The following FBXO16 variants were observed in gnomAD, a reference collection of about 807,000 sequenced individuals.
The protein encoded by FBXO16 is F-box protein 16.
Under a neutral mutation model 41.0 loss-of-function variants are expected in FBXO16, and 31 were observed. The ratio of observed to expected loss-of-function variants is 0.76; its 90% confidence interval spans 0.57 to 1.02. FBXO16 has a LOEUF of 1.02. Among genes scored for constraint, FBXO16 ranks in the 50% least tolerant of loss-of-function variants. The pLI is 0.00. For missense variants in FBXO16, 361 were observed against 346.2 expected, an observed-to-expected ratio of 1.04 and a Z score of -0.34; for synonymous variants, 133 against 117.8, an observed-to-expected ratio of 1.13 and a Z score of -0.84.
Position 28,428,560 on chromosome 8 carries a change from T to C in FBXO16, c.*167A>G. ...TTTCTATAATAAAAGTCTTTCCATG[T>C]TCAGTCCACTTTGGCTCTGGAACCT... On this transcript the variant is annotated 3_prime_UTR_variant, in exon 9 of 9. Coordinates refer to ENST00000380254, the MANE Select transcript of FBXO16 (RefSeq NM_172366.4). The C allele has an allele frequency of 6.5e-7, 1 of 1,549,278 alleles. No homozygotes were observed. The highest frequency in any genetic ancestry group is 1.2e-5 in the South Asian group (1 of 83,976).
In FBXO16 at chr8:28,456,805, A is replaced by G. The variant is rs1261102577; in HGVS notation, c.468T>C (p.Tyr156=). The change falls in exon 5 of 9, where the codon TAT becomes TAC. Residue 156 remains tyrosine (Y), a synonymous_variant. Coordinates refer to ENST00000380254, the MANE Select transcript of FBXO16 (RefSeq NM_172366.4). ...TATGAAGTTCTTTCACCATTTGAAT[A>G]TAGTGCTTCTTCCAGATCCCCTGCT... is the stretch of plus-strand genomic sequence containing the variant. ...PFEQGIWKKH[Y]IQMVKELHIT... 3 of 1,614,054 alleles carry G rather than the reference A, an allele frequency of 1.9e-6. No individual in the cohort carries two copies. Among genetic ancestry groups the G allele is most frequent in the Admixed American group, 1.7e-5 (1 of 60,010 alleles).
intron 3 of FBXO16, among the ~76,000 whole-genome samples, chr8:28,465,628 A>T (rs375769102): frequency 4.8e-4 from 73 of 152,118 alleles, no homozygotes; most frequent in Middle Eastern, 6.8e-3. Context: ...AAATAAAAAA[A>T]AAATAAAAAA....
At chr8:28,483,589 T>A in intron 1 of FBXO16, 127 bp from the exon 2 acceptor site, 1 of 636,730 alleles carries the variant, frequency 1.6e-6, no homozygotes, top group Non-Finnish European at 2.7e-6. Context: ...GAGGCTGAGG[T>A]GGGCGGATCA....
At chr8:28,483,137 T>C (rs1158952117) in intron 2 of FBXO16, among the ~76,000 whole-genome samples, 1 of 152,024 alleles carries the variant, frequency 6.6e-6, no homozygotes, top group African/African-American at 2.4e-5. Flanking sequence ...ATCCAAGACA[T>C]TTTTTTCTTG....
At chr8:28,478,409 C>T (rs749775408) in intron 2 of FBXO16, among the ~76,000 whole-genome samples, 31 of 152,104 alleles carry the variant, frequency 2.0e-4, no homozygotes, top group Non-Finnish European at 4.3e-4. Context: ...CAGCTAGCAG[C>T]CACTGAATGT....
chr8:28,456,911 T>G lies in FBXO16; in HGVS notation c.362A>C (p.Asn121Thr), dbSNP rs1362803044. The G allele has an allele frequency of 1.9e-6, 3 of 1,613,438 alleles. No individual in the cohort carries two copies. Among genetic ancestry groups the G allele is most frequent in the East Asian group, 4.5e-5 (2 of 44,866 alleles). ...CCAGAGCTGGTCCAGCTCAGCAAGG[T>G]TCTTCCAATGCCAGCACACCTGGAA... ...RCAQVCWHWK[N>T]LAELDQLWML... Residue 121 changes from asparagine to threonine, a missense_variant, in exon 5 of 9, where the codon AAC (asparagine) becomes ACC (threonine). By Grantham distance (65) the Asn-to-Thr change is moderately conservative. Coordinates refer to ENST00000380254, the MANE Select transcript of FBXO16 (RefSeq NM_172366.4).
rs78786048 is a variant in FBXO16, at chr8:28,458,271, T to C, written c.343-1341A>G. On this transcript the variant is annotated intron_variant, in intron 4 of 8. Transcript: ENST00000380254. Reference sequence around the variant, plus strand: ...CTATGTTTGTTTTATGTGCAGAAGATGAGATGTTGAGGAAAGAGTAGGGCA... The same window carrying C: ...CTATGTTTGTTTTATGTGCAGAAGACGAGATGTTGAGGAAAGAGTAGGGCA... Among the ~76,000 whole-genome samples, 1,395 of 152,274 alleles carry C rather than the reference T, an allele frequency of 9.2e-3. 26 individuals carry two copies. The highest frequency in any genetic ancestry group is 0.031 in the African/African-American group (1,305 of 41,556).
At chr8:28,433,154 A>T (rs1802636652) in intron 7 of FBXO16, among the ~76,000 whole-genome samples, 1 of 152,170 alleles carries the variant, frequency 6.6e-6, no homozygotes, top group Non-Finnish European at 1.5e-5. Flanking sequence ...CCCTATGAAG[A>T]GGGATGGGAT....
At chr8:28,489,670 A>G (rs1803658914) in intron 1 of FBXO16, among the ~76,000 whole-genome samples, 1 of 151,860 alleles carries the variant, frequency 6.6e-6, no homozygotes, top group Admixed American at 6.6e-5. Flanking sequence ...ACTGCAGTTC[A>G]GCCTGGGCAA....
intron 7 of FBXO16, chr8:28,446,901 T>C: frequency 3.9e-6 from 1 of 258,488 alleles, no homozygotes; most frequent in East Asian, 8.1e-5. Context: ...ACTCCCCTTA[T>C]ATCATACAGT....
intron 7 of FBXO16, among the ~76,000 whole-genome samples, chr8:28,445,147 T>G (rs1342950503): frequency 6.6e-6 from 1 of 152,022 alleles, no homozygotes; most frequent in African/African-American, 2.4e-5. Context: ...CTACGAAACA[T>G]AAATAGTGAT....
At chr8:28,473,187 T>C (rs531944747) in intron 3 of FBXO16, among the ~76,000 whole-genome samples, 2 of 152,314 alleles carry the variant, frequency 1.3e-5, no homozygotes, top group South Asian at 4.1e-4. Context: ...TCCTTTTCAT[T>C]GAATTATGTC....
chr8:28,452,742 A>C (rs1467045665), intron 5 of FBXO16, among the ~76,000 whole-genome samples: 4 of 152,020 alleles, frequency 2.6e-5, no homozygotes, highest in African/African-American at 9.7e-5. Flanking sequence ...CGGAGGTTGC[A>C]GTGAGCCAAG....
At chr8:28,474,180 C>T (rs1803381258) in intron 2 of FBXO16, among the ~76,000 whole-genome samples, 1 of 151,148 alleles carries the variant, frequency 6.6e-6, no homozygotes, top group Non-Finnish European at 1.5e-5. Flanking sequence ...AAAAATTAGC[C>T]AGGCGTGGTG....
Position 28,446,176 on chromosome 8 carries a change from C to CTTTTTTT in FBXO16, c.843+988_843+994dup, listed in dbSNP as rs11421643. On this transcript the variant is annotated intron_variant, in intron 7 of 8. Coordinates refer to ENST00000380254, the MANE Select transcript of FBXO16 (RefSeq NM_172366.4). Reference sequence around the variant, plus strand: ...CAAAGTTACTTTAAATGCATTTTTCCTTTTTTTTTTTTTTTTTTTTTTTGA... The same window carrying CTTTTTTT: ...CAAAGTTACTTTAAATGCATTTTTCCTTTTTTTTTTTTTTTTTTTTTTTTTTTTTTGA... Among the ~76,000 whole-genome samples the CTTTTTTT allele has an allele frequency of 3.5e-4, 29 of 83,070 alleles. 1 individual carries two copies. Among genetic ancestry groups the CTTTTTTT allele is most frequent in the South Asian group, 5.0e-4 (1 of 1,996 alleles). The allele number at this position is 83,070 out of a possible 152,430, so 54.5% of individuals were successfully genotyped here. A position where few individuals can be genotyped will look rare whatever the true frequency, so the allele number is the denominator to read the frequency against.
chr8:28,483,619 G>T, intron 1 of FBXO16, 157 bp from the exon 2 acceptor site: 1 of 556,742 alleles, frequency 1.8e-6, no homozygotes, highest in Non-Finnish European at 3.2e-6. Context: ...AAGGATTCGA[G>T]ACCAGCCTGG....
At chr8:28,468,600 C>T (rs551507154) in intron 3 of FBXO16, among the ~76,000 whole-genome samples, 4 of 152,200 alleles carry the variant, frequency 2.6e-5, no homozygotes, top group South Asian at 2.1e-4. Context: ...AAGGCCAACA[C>T]GGAAGGAAGG....
At chr8:28,443,279 C>T (rs567888232) in intron 7 of FBXO16, among the ~76,000 whole-genome samples, 1 of 152,270 alleles carries the variant, frequency 6.6e-6, no homozygotes, top group Admixed American at 6.5e-5. Context: ...TCATCTCAGC[C>T]TCCCAAAGTG....
At chr8:28,448,340 C>CAAAAAAAAAAA (rs56323338) in intron 6 of FBXO16, among the ~76,000 whole-genome samples, 1 of 49,876 alleles carries the variant, frequency 2.0e-5, no homozygotes, top group Non-Finnish European at 4.2e-5. Flanking sequence ...GACCCTAAAT[C>CAAAAAAAAAAA]AAAAAAAAAA....
Sources: allele counts gnomAD v4.1 joint callset (sites outside exome capture counted in the v4.1 genomes callset), GRCh38; gene constraint gnomAD v4.1.1; transcripts MANE v1.5; gene names NCBI Gene and HGNC (gene_info 2026-07-23, HGNC 2026-07-21).